The following IL1RAPL2 variants were observed in gnomAD, a reference collection of about 807,000 sequenced individuals.
IL1RAPL2 encodes the protein X-linked interleukin-1 receptor accessory protein-like 2.
Under a neutral mutation model 44.1 loss-of-function variants are expected in IL1RAPL2, and 3 were observed. The observed-to-expected ratio is 0.07, with a 90% CI of 0.03 to 0.18. The LOEUF (loss-of-function observed/expected upper bound fraction) is 0.18, where lower values mean the gene tolerates loss of function less well. Ranked by LOEUF, IL1RAPL2 falls within the 10% of genes least tolerant of loss-of-function variation. The probability of loss-of-function intolerance (pLI) is 1.00; values close to 1 mark genes in which losing one functional copy is unlikely to be tolerated. For missense variants in IL1RAPL2, 391 were observed against 496.4 expected, an observed-to-expected ratio of 0.79 and a Z score of 2.02; for synonymous variants, 181 against 178.8, an observed-to-expected ratio of 1.01 and a Z score of -0.10.
At chrX:105,610,968 T>G (rs926297686) in intron 6 of IL1RAPL2, among the ~76,000 whole-genome samples, 1 of 111,928 alleles carries the variant, frequency 8.9e-6, no homozygotes, top group Non-Finnish European at 1.9e-5. Context: ...AATCTTCACA[T>G]GTGTTGTTGC....
At chrX:105,736,819 TCAAA>T (rs988353073) in intron 7 of IL1RAPL2, among the ~76,000 whole-genome samples, 1 of 111,922 alleles carries the variant, frequency 8.9e-6, no homozygotes, top group Non-Finnish European at 1.9e-5. Flanking sequence ...TGGCAATTTC[TCAAA>T]CAACTTAAAA....
chrX:105,126,156 T>C (rs768678014), intron 2 of IL1RAPL2, among the ~76,000 whole-genome samples: 26 of 111,118 alleles, frequency 2.3e-4, no homozygotes, highest in Non-Finnish European at 5.7e-5. Flanking sequence ...TACTTGCTCC[T>C]AGTTAAGCCT....
intron 2 of IL1RAPL2, among the ~76,000 whole-genome samples, chrX:105,167,571 A>G (rs1347030593): frequency 9.0e-6 from 1 of 110,657 alleles, no homozygotes; most frequent in African/African-American, 3.3e-5. Context: ...TTCTTTGAAA[A>G]CAGCTTTGGA....
intron 2 of IL1RAPL2, among the ~76,000 whole-genome samples, chrX:104,879,779 G>A (rs1383481964): frequency 9.0e-6 from 1 of 111,458 alleles, no homozygotes; most frequent in Non-Finnish European, 1.9e-5. Context: ...GTTGTTTCAG[G>A]ACAGGATCTC....
intron 2 of IL1RAPL2, among the ~76,000 whole-genome samples, chrX:105,165,559 A>C (rs1404101954): frequency 8.9e-6 from 1 of 112,137 alleles, no homozygotes; most frequent in Non-Finnish European, 1.9e-5. Context: ...CTTTGTAAAA[A>C]GCTAATCATT....
At chrX:105,232,777 G>A (rs1248292850) in intron 3 of IL1RAPL2, among the ~76,000 whole-genome samples, 2 of 112,278 alleles carry the variant, frequency 1.8e-5, no homozygotes, top group Non-Finnish European at 3.8e-5. Context: ...AGTACAAGAA[G>A]ACAGAATTTT....
At chrX:105,445,759 A>T (rs2035950276) in intron 5 of IL1RAPL2, among the ~76,000 whole-genome samples, 1 of 111,355 alleles carries the variant, frequency 9.0e-6, no homozygotes, top group Admixed American at 9.6e-5. Flanking sequence ...AAGATGCTTG[A>T]TATTATTCCA....
At chrX:105,459,009 G>C (rs756089788) in intron 5 of IL1RAPL2, among the ~76,000 whole-genome samples, 2 of 111,643 alleles carry the variant, frequency 1.8e-5, no homozygotes, top group Non-Finnish European at 3.8e-5. Context: ...ACACCACGAA[G>C]CTCATTGTTC....
chrX:105,432,129 C>CTTT (rs386417369), intron 5 of IL1RAPL2, among the ~76,000 whole-genome samples: 968 of 44,401 alleles, frequency 0.022, 14 homozygotes, highest in African/African-American at 0.038. Flanking sequence ...TTCAATTTGC[C>CTTT]TTTTTTTTTT....
intron 2 of IL1RAPL2, among the ~76,000 whole-genome samples, chrX:105,065,332 C>T (rs2147534598): frequency 9.0e-6 from 1 of 111,409 alleles, no homozygotes; most frequent in Non-Finnish European, 1.9e-5. Context: ...AAAACGTCTC[C>T]TGGGTGGTCT....
chrX:105,125,381 C>T (rs1473490145), intron 2 of IL1RAPL2, among the ~76,000 whole-genome samples: 1 of 110,572 alleles, frequency 9.0e-6, no homozygotes, highest in Non-Finnish European at 1.9e-5. Context: ...ATCCCACAAG[C>T]TTCTTAAATG....
intron 6 of IL1RAPL2, among the ~76,000 whole-genome samples, chrX:105,612,421 A>G (rs2037343518): frequency 8.9e-6 from 1 of 111,928 alleles, no homozygotes; most frequent in African/African-American, 3.2e-5. Context: ...AAACTGTTTT[A>G]AAACATAGTT....
intron 6 of IL1RAPL2, among the ~76,000 whole-genome samples, chrX:105,652,710 T>G (rs2037649843): frequency 9.0e-6 from 1 of 111,659 alleles, no homozygotes; most frequent in Non-Finnish European, 1.9e-5. Context: ...GGATAATACT[T>G]ATTATCTTTA....
At position 105,595,864 on chromosome X, in the gene IL1RAPL2, T is replaced by A. The variant is rs1025525825; in HGVS notation, c.772+111477T>A. On this transcript the variant is annotated intron_variant, in intron 6 of 10. Transcript: ENST00000372582. ...TTATATATTATTGGTCTGTTAAGGATTTCTATTTCTTCTTGATGCAATTTT... is the reference window on the plus strand; with the variant it reads ...TTATATATTATTGGTCTGTTAAGGAATTCTATTTCTTCTTGATGCAATTTT... 1.9e-4 allele frequency among the ~76,000 whole-genome samples: 21 copies of A among 111,467 alleles called. 1 individual carries two copies. Among genetic ancestry groups the A allele is most frequent in the African/African-American group, 6.5e-4 (20 of 30,718 alleles).
At chrX:104,734,690 C>G (rs1403952350) in intron 2 of IL1RAPL2, among the ~76,000 whole-genome samples, 1 of 111,611 alleles carries the variant, frequency 9.0e-6, no homozygotes, top group Admixed American at 9.5e-5. Flanking sequence ...GGTGATGGAA[C>G]TGTTCTGTAT....
At chrX:105,384,725 T>A (rs955871179) in intron 5 of IL1RAPL2, among the ~76,000 whole-genome samples, 4 of 111,554 alleles carry the variant, frequency 3.6e-5, no homozygotes, top group Non-Finnish European at 7.5e-5. Context: ...ACACATTCAT[T>A]CCTCTAATCC....
intron 2 of IL1RAPL2, among the ~76,000 whole-genome samples, chrX:105,131,382 A>G (rs2033024749): frequency 9.0e-6 from 1 of 110,617 alleles, no homozygotes; most frequent in African/African-American, 3.3e-5. Flanking sequence ...CTGTCATAGT[A>G]TAGAAACAGC....
chrX:105,474,816 T>A (rs5962534), intron 5 of IL1RAPL2, among the ~76,000 whole-genome samples: 13,516 of 110,276 alleles, frequency 0.12, 2,110 homozygotes, highest in African/African-American at 0.43. Context: ...TTATTTATTT[T>A]TTTTGGTGAT....
At chrX:105,082,433 A>G (rs2032423505) in intron 2 of IL1RAPL2, among the ~76,000 whole-genome samples, 1 of 111,348 alleles carries the variant, frequency 9.0e-6, no homozygotes, top group African/African-American at 3.3e-5. Flanking sequence ...TCCTGGGTTC[A>G]CAGCGTTCAA....
Sources: gnomAD v4.1 joint callset for allele counts (sites outside exome capture counted in the v4.1 genomes callset) on GRCh38, gnomAD v4.1.1 for gene constraint, MANE v1.5 for transcripts, NCBI Gene and HGNC (gene_info 2026-07-23, HGNC 2026-07-21) for gene names.